Variants in CSMD1 observed in about 807,000 individuals in gnomAD.
CSMD1 encodes CUB and Sushi multiple domains 1, also known as CUB and sushi domain-containing protein 1.
CSMD1 carries 213 observed loss-of-function variants against 417.5 expected under a neutral mutation model. The observed-to-expected ratio is 0.51, with a 90% CI of 0.46 to 0.57. The LOEUF is 0.57. Ranked by LOEUF, CSMD1 falls within the 20% of genes least tolerant of loss-of-function variation. The pLI is 0.00. For synonymous variants in CSMD1, 2,862 were observed against 1,736.8 expected (o/e 1.65, Z -16.11); for missense variants, 6,923 against 4,529.7 (o/e 1.53, Z -15.17).
chr8:4,169,851 G>C (rs1049476708), intron 3 of CSMD1, among the ~76,000 whole-genome samples: 2 of 151,968 alleles, frequency 1.3e-5, no homozygotes, highest in African/African-American at 4.8e-5. Context: ...CATAGCATGC[G>C]TCATCATTTA....
chr8:4,144,595 A>C lies in CSMD1; in HGVS notation c.416-112496T>G, dbSNP rs1383659350. Among the ~76,000 whole-genome samples the C allele has an allele frequency of 4.0e-5, 6 of 151,076 alleles. No homozygotes were observed. In the East Asian group the frequency reaches 1.2e-3, roughly 29 times the overall value. On this transcript the variant is annotated intron_variant, in intron 3 of 69. Transcript: ENST00000635120. ...GATTGCTCAGCTACTGTTAAGTCAT[A>C]AAAGAGGTGAAGACAAGCTTGTTCT...
intron 3 of CSMD1, among the ~76,000 whole-genome samples, chr8:4,358,819 G>A (rs531642732): frequency 3.9e-5 from 6 of 152,168 alleles, no homozygotes; most frequent in South Asian, 4.1e-4. Context: ...TATAAATCAC[G>A]TAAGAGTGCC....
intron 1 of CSMD1, among the ~76,000 whole-genome samples, chr8:4,904,330 T>C (rs963003564): frequency 1.3e-5 from 2 of 152,224 alleles, no homozygotes; most frequent in Non-Finnish European, 2.9e-5. Flanking sequence ...ATTTATTACA[T>C]CTATGAGTAT....
At chr8:4,678,700 A>G (rs1412109257) in intron 1 of CSMD1, among the ~76,000 whole-genome samples, 1 of 152,210 alleles carries the variant, frequency 6.6e-6, no homozygotes, top group Non-Finnish European at 1.5e-5. Flanking sequence ...TAAGATAAAA[A>G]TGTCTTCAAG....
chr8:4,072,031 A>G (rs1268402861), intron 3 of CSMD1, among the ~76,000 whole-genome samples: 2 of 152,190 alleles, frequency 1.3e-5, no homozygotes, highest in African/African-American at 4.8e-5. Flanking sequence ...GTTCAGAAAG[A>G]AAGTGGATGT....
intron 3 of CSMD1, among the ~76,000 whole-genome samples, chr8:4,109,871 T>C (rs1425964382): frequency 1.3e-5 from 2 of 152,126 alleles, no homozygotes; most frequent in East Asian, 1.9e-4. Flanking sequence ...AAGACAGTCA[T>C]TGTGCTTTTT....
chr8:4,931,234 G>C (rs1563797434), intron 1 of CSMD1, among the ~76,000 whole-genome samples: 1 of 151,918 alleles, frequency 6.6e-6, no homozygotes, highest in Non-Finnish European at 1.5e-5. Context: ...TTAGAATATT[G>C]TTTTCTCCTT....
chr8:4,037,508 G>T (rs1000489631), intron 3 of CSMD1, among the ~76,000 whole-genome samples: 1 of 152,088 alleles, frequency 6.6e-6, no homozygotes, highest in East Asian at 1.9e-4. Flanking sequence ...TTAACATCTT[G>T]ACACTTAATT....
chr8:4,097,735 A>G (rs769350791), intron 3 of CSMD1, among the ~76,000 whole-genome samples: 26 of 152,232 alleles, frequency 1.7e-4, no homozygotes, highest in Admixed American at 8.5e-4. Context: ...ATACTTAAAA[A>G]ACAAATTCAG....
chr8:3,175,469 T>TTC, intron 37 of CSMD1, among the ~76,000 whole-genome samples: 1 of 37,380 alleles, frequency 2.7e-5, no homozygotes, highest in Non-Finnish European at 7.5e-5. Context: ...TTTCCTTCCT[T>TTC]CTTTTCCCTT....
At chr8:3,477,860 T>G (rs535560295) in intron 11 of CSMD1, among the ~76,000 whole-genome samples, 70 of 152,310 alleles carry the variant, frequency 4.6e-4, no homozygotes, top group African/African-American at 1.7e-3. Flanking sequence ...GATTCCATGT[T>G]TATTTATATG....
chr8:4,045,448 G>C (rs139218420), intron 3 of CSMD1, among the ~76,000 whole-genome samples: 38 of 152,320 alleles, frequency 2.5e-4, no homozygotes, highest in Admixed American at 2.1e-3. Flanking sequence ...TGCTGAGAAC[G>C]TCGGAAGGGC....
chr8:3,993,176 A>G (rs946000646), intron 5 of CSMD1, among the ~76,000 whole-genome samples: 6 of 152,200 alleles, frequency 3.9e-5, no homozygotes, highest in African/African-American at 1.4e-4. Flanking sequence ...ACATGAAGGA[A>G]GCTAGGTTTA....
At chr8:4,524,250 C>G (rs1272050777) in intron 2 of CSMD1, among the ~76,000 whole-genome samples, 1 of 146,092 alleles carries the variant, frequency 6.8e-6, no homozygotes, top group African/African-American at 2.6e-5. Flanking sequence ...GAAGACAACA[C>G]TCAAAAAAAA....
chr8:3,894,619 C>G (rs1031315844), intron 5 of CSMD1, among the ~76,000 whole-genome samples: 2 of 152,086 alleles, frequency 1.3e-5, no homozygotes, highest in Non-Finnish European at 1.5e-5. Flanking sequence ...AAAATAAATG[C>G]TCAGTGCTAA....
chr8:4,184,850 C>T (rs1200920881), intron 3 of CSMD1, among the ~76,000 whole-genome samples: 2 of 152,064 alleles, frequency 1.3e-5, no homozygotes, highest in African/African-American at 2.4e-5. Context: ...AATACCCCAA[C>T]ACTTTCGGAG....
intron 5 of CSMD1, among the ~76,000 whole-genome samples, chr8:3,896,688 T>G (rs1807392727): frequency 6.6e-6 from 1 of 151,992 alleles, no homozygotes; most frequent in South Asian, 2.1e-4. Flanking sequence ...TTTTTCTTAT[T>G]TTTATTGGAG....
intron 49 of CSMD1, among the ~76,000 whole-genome samples, chr8:3,060,220 A>C (rs535186422): frequency 1.4e-5 from 2 of 145,802 alleles, no homozygotes; most frequent in East Asian, 4.0e-4. Context: ...ATCTCAGCTC[A>C]CTCTAACCTC....
chr8:4,086,134 C>T (rs1005882216), intron 3 of CSMD1, among the ~76,000 whole-genome samples: 3 of 152,116 alleles, frequency 2.0e-5, no homozygotes, highest in Admixed American at 1.3e-4. Flanking sequence ...GTTATTGCTA[C>T]ATTTAAGTTG....
Sources: gnomAD v4.1 joint callset for allele counts (sites outside exome capture counted in the v4.1 genomes callset) on GRCh38, gnomAD v4.1.1 for gene constraint, MANE v1.5 for transcripts, NCBI Gene and HGNC (gene_info 2026-07-23, HGNC 2026-07-21) for gene names.